Variants in ABCC4 observed in about 807,000 individuals in gnomAD.
ABCC4 encodes ATP-binding cassette sub-family C member 4.
Under a neutral mutation model 168.5 loss-of-function variants are expected in ABCC4, and 102 were observed. The observed-to-expected ratio is 0.61, with a 90% confidence interval of 0.52 to 0.71. The LOEUF (loss-of-function observed/expected upper bound fraction) is 0.71, where lower values mean the gene tolerates loss of function less well. Among genes scored for constraint, ABCC4 ranks in the 30% least tolerant of loss-of-function variants. The probability of loss-of-function intolerance (pLI) is 0.00; values close to 1 mark genes in which losing one functional copy is unlikely to be tolerated. For synonymous variants in ABCC4, 617 were observed against 590.7 expected, an observed-to-expected ratio of 1.04 and a Z score of -0.65; for missense variants, 1,402 against 1,605.8, an observed-to-expected ratio of 0.87 and a Z score of 2.17.
intron 1 of ABCC4, among the ~76,000 whole-genome samples, chr13:95,259,842 C>A (rs146091972): frequency 1.9e-3 from 267 of 142,810 alleles, no homozygotes; most frequent in Non-Finnish European, 3.3e-3. Context: ...CATGTTACAT[C>A]TGTGTAGTGT....
intron 27 of ABCC4, 44 bp from the exon 28 acceptor site, chr13:95,044,482 T>A: frequency 6.4e-7 from 1 of 1,553,374 alleles, no homozygotes; most frequent in Non-Finnish European, 8.7e-7. Flanking sequence ...TTCAAGCCGC[T>A]ATGGAAGTAG....
intron 20 of ABCC4, among the ~76,000 whole-genome samples, chr13:95,086,036 A>G (rs540400416): frequency 6.7e-6 from 1 of 149,258 alleles, no homozygotes; most frequent in South Asian, 2.2e-4. Flanking sequence ...ACCGAAATAT[A>G]TCTGTATTTT....
chr13:95,038,450 G>A lies in ABCC4; in HGVS notation c.3736-3711C>T, dbSNP rs569764971. Among the ~76,000 whole-genome samples, 13 of 151,860 alleles carry A rather than the reference G, an allele frequency of 8.6e-5. 1 individual carries two copies. In the East Asian group the frequency reaches 2.3e-3, roughly 27 times the overall value. ...TGCCAGAAAAAAGGCAAAACAAGCG[G>A]GAGTTTAGCAGCAGCAGAAGTCACC... On this transcript the variant is annotated intron_variant, in intron 29 of 30. Transcript: ENST00000645237.
intron 21 of ABCC4, among the ~76,000 whole-genome samples, chr13:95,076,069 T>A (rs1751042): frequency 1.3e-5 from 2 of 152,106 alleles, no homozygotes; most frequent in Non-Finnish European, 1.5e-5. Context: ...GCACAGGACA[T>A]GTACTCAGTA....
intron 27 of ABCC4, among the ~76,000 whole-genome samples, chr13:95,047,079 A>G (rs960613305): frequency 3.9e-5 from 6 of 152,244 alleles, no homozygotes; most frequent in African/African-American, 1.2e-4. Context: ...TAAGAGAGGA[A>G]GCAAATGTAG....
At chr13:95,181,830 T>C (rs191291380) in intron 11 of ABCC4, among the ~76,000 whole-genome samples, 45 of 152,276 alleles carry the variant, frequency 3.0e-4, no homozygotes, top group African/African-American at 1.0e-3. Flanking sequence ...CTTCCCCAAG[T>C]GCTTGCTAGA....
At chr13:95,132,925 G>A (rs1202305149) in intron 19 of ABCC4, among the ~76,000 whole-genome samples, 1 of 151,970 alleles carries the variant, frequency 6.6e-6, no homozygotes, top group African/African-American at 2.4e-5. Context: ...AAGGGGTGGT[G>A]GGGAGTTAGT....
intron 19 of ABCC4, among the ~76,000 whole-genome samples, chr13:95,122,379 A>G (rs1418680527): frequency 2.0e-5 from 3 of 152,194 alleles, no homozygotes; most frequent in Admixed American, 2.0e-4. Context: ...ACCCTACCTT[A>G]GATCTATGCC....
intron 29 of ABCC4, among the ~76,000 whole-genome samples, chr13:95,040,804 T>C (rs994214411): frequency 4.6e-5 from 7 of 152,216 alleles, no homozygotes; most frequent in African/African-American, 1.7e-4. Context: ...AAAAAGAGAT[T>C]TGGGTTTAGA....
At chr13:95,099,445 T>C (rs2034720676) in intron 20 of ABCC4, among the ~76,000 whole-genome samples, 1 of 152,018 alleles carries the variant, frequency 6.6e-6, no homozygotes, top group African/African-American at 2.4e-5. Context: ...ATTAGTAAAA[T>C]TCAACCTAAA....
intron 20 of ABCC4, among the ~76,000 whole-genome samples, chr13:95,085,209 C>T (rs1455705862): frequency 6.6e-6 from 1 of 151,734 alleles, no homozygotes; most frequent in African/African-American, 2.4e-5. Flanking sequence ...GAGGCAGAGG[C>T]GGGTGGATCA....
chr13:95,232,141 T>G, intron 4 of ABCC4, among the ~76,000 whole-genome samples: 1 of 151,444 alleles, frequency 6.6e-6, no homozygotes, highest in African/African-American at 2.4e-5. Context: ...GTGGTGGTGG[T>G]GGTGGTGGTG....
intron 9 of ABCC4, among the ~76,000 whole-genome samples, chr13:95,193,634 G>C (rs941226954): frequency 6.6e-6 from 1 of 152,204 alleles, no homozygotes; most frequent in Admixed American, 6.5e-5. Flanking sequence ...GAGGACCCCG[G>C]ACTCAGGTGA....
intron 20 of ABCC4, chr13:95,095,729 G>A (rs903801413): frequency 2.6e-5 from 4 of 154,800 alleles, no homozygotes; most frequent in African/African-American, 9.6e-5. Flanking sequence ...AATAGATACA[G>A]ATTTTTTTAA....
At chr13:95,085,279 GA>G (rs56064313) in intron 20 of ABCC4, among the ~76,000 whole-genome samples, 129,829 of 147,886 alleles carry the variant, frequency 0.88, 57,467 homozygotes, top group Non-Finnish European at 0.95. Context: ...TCTCTACTGA[GA>G]AAAAAAAAAA....
intron 27 of ABCC4, among the ~76,000 whole-genome samples, chr13:95,047,976 G>C (rs2032665485): frequency 6.6e-6 from 1 of 152,100 alleles, no homozygotes; most frequent in Non-Finnish European, 1.5e-5. Flanking sequence ...AGTCTACAAT[G>C]CCTATGTAAA....
intron 20 of ABCC4, among the ~76,000 whole-genome samples, chr13:95,111,476 C>A (rs981255850): frequency 1.3e-5 from 2 of 152,156 alleles, no homozygotes; most frequent in Non-Finnish European, 2.9e-5. Context: ...TTAATTCTGG[C>A]TTTCCTTCCA....
At chr13:95,076,486 G>A (rs758397003) in intron 21 of ABCC4, among the ~76,000 whole-genome samples, 4 of 146,322 alleles carry the variant, frequency 2.7e-5, no homozygotes, top group Non-Finnish European at 4.5e-5. Context: ...GAGCCATTGT[G>A]TTTTTGTTTG....
chr13:95,031,058 C>T (rs2031856021), intron 30 of ABCC4, among the ~76,000 whole-genome samples: 2 of 152,110 alleles, frequency 1.3e-5, no homozygotes, highest in African/African-American at 2.4e-5. Context: ...TCTGTGAGAG[C>T]GAAAAGCTTG....
Sources: allele counts gnomAD v4.1 joint callset (sites outside exome capture counted in the v4.1 genomes callset), GRCh38; gene constraint gnomAD v4.1.1; transcripts MANE v1.5; gene names NCBI Gene and HGNC (gene_info 2026-07-23, HGNC 2026-07-21).